Variants in NCKAP5L observed in about 807,000 individuals in gnomAD.
NCKAP5L encodes nck-associated protein 5-like.
Under a neutral mutation model 103.2 loss-of-function variants are expected in NCKAP5L, and 54 were observed. That is an observed-to-expected ratio of 0.52 (90% CI 0.42 to 0.66). NCKAP5L has a LOEUF of 0.66. NCKAP5L is among the 30% of genes least tolerant of loss of function. The probability of loss-of-function intolerance (pLI) is 0.00; values close to 1 mark genes in which losing one functional copy is unlikely to be tolerated. For missense variants in NCKAP5L, 1,733 were observed against 1,750.6 expected (o/e 0.99, Z 0.18); for synonymous variants, 762 against 748.6 (o/e 1.02, Z -0.29).
In NCKAP5L at chr12:49,791,601, T is replaced by C; in HGVS notation, c.*238A>G. The C allele has an allele frequency of 2.3e-6, 1 of 427,976 alleles. No individual in the cohort carries two copies. Among genetic ancestry groups the C allele is most frequent in the East Asian group, 3.6e-5 (1 of 27,756 alleles). 26.5% of individuals were successfully genotyped at this position (427,976 alleles called of 1,614,324 possible). ...CCCCCAGTCCCTTCCAGGAAGAGCC[T>C]TACTCTGGGTGAGAGAAGGGACCAA... On this transcript the variant is annotated 3_prime_UTR_variant, in exon 13 of 13. Transcript: ENST00000335999.
In NCKAP5L at chr12:49,801,914, C is replaced by T. The variant is rs1233135371; in HGVS notation, c.285G>A (p.Arg95=). 6.2e-7 allele frequency: 1 copy of T among 1,613,860 alleles called. No individual in the cohort carries two copies. The highest frequency in any genetic ancestry group is 8.5e-7 in the Non-Finnish European group (1 of 1,179,898). Residue 95 remains arginine, a synonymous_variant, in exon 6 of 13, where the codon CGG becomes CGA. Transcript: ENST00000335999. ...ACAGGGCACTCAGCATCTGGTTCTG[C>T]CGTTCCAGGTCAAACACTCTCTTCT... ...KLKKRVFDLE[R]QNQMLSALFQ...
chr12:49,816,221 CA>C (rs1946293991), intron 1 of NCKAP5L, among the ~76,000 whole-genome samples: 2 of 152,112 alleles, frequency 1.3e-5, no homozygotes, highest in African/African-American at 4.8e-5. Context: ...CACTCCCTGC[CA>C]CGCCCTCTGC....
intron 5 of NCKAP5L, 108 bp from the exon 6 acceptor site, chr12:49,802,075 T>C: frequency 1.5e-6 from 2 of 1,366,584 alleles, no homozygotes; most frequent in African/African-American, 1.4e-5. Flanking sequence ...CCAGGACCCT[T>C]CTGGGCACAC....
In NCKAP5L at chr12:49,797,572, T is replaced by C. The variant is rs1565588837; in HGVS notation, c.466-178A>G. Among the ~76,000 whole-genome samples the C allele has an allele frequency of 2.0e-5, 3 of 152,134 alleles. No individual in the cohort carries two copies. On this transcript the variant is annotated intron_variant, in intron 7 of 12. Coordinates refer to ENST00000335999, the MANE Select transcript of NCKAP5L (RefSeq NM_001037806.4). The surrounding 1 kb of genome is among the most constrained non-coding windows in gnomAD (Gnocchi z 4.5). Reference sequence around the variant, plus strand: ...TATGATGGTTCCGCTTCCTCAAGGGTTGCTCAACACTGGTTACCCCAGTTC... The same window carrying C: ...TATGATGGTTCCGCTTCCTCAAGGGCTGCTCAACACTGGTTACCCCAGTTC...
At chr12:49,821,103 G>C (rs1946356833) in intron 1 of NCKAP5L, among the ~76,000 whole-genome samples, 1 of 152,298 alleles carries the variant, frequency 6.6e-6, no homozygotes, top group South Asian at 2.1e-4. Flanking sequence ...CTTTGATGCT[G>C]CCTTGCTCCT....
At position 49,797,227 on chromosome 12, in the gene NCKAP5L, G is replaced by C. The variant is rs375311023; in HGVS notation, c.633C>G (p.Pro211=). 3.4e-4 allele frequency: 555 copies of C among 1,613,344 alleles called. No homozygotes were observed. Among genetic ancestry groups the C allele is most frequent in the Non-Finnish European group, 4.5e-4 (536 of 1,179,826 alleles). ...DPLLLCSPAT[P]WRPPGQGPGS... ...CAGGCCCCTGGCCTGGAGGCCGCCA[G>C]GGGGTGGCAGGTGAGCAGAGAAGCA... is the stretch of plus-strand genomic sequence containing the variant. Residue 211 remains proline, a synonymous_variant, in exon 8 of 13, where the codon CCC becomes CCG. Coordinates refer to ENST00000335999, the MANE Select transcript of NCKAP5L (RefSeq NM_001037806.4). This position sits in a 1 kb window ranked among gnomAD's most constrained non-coding sequence, Gnocchi z 4.5.
At chr12:49,803,281 A>C in intron 3 of NCKAP5L, 116 bp from the exon 4 acceptor site, 3 of 931,912 alleles carry the variant, frequency 3.2e-6, no homozygotes, top group East Asian at 2.6e-5. Flanking sequence ...CTATACCCCC[A>C]CTCCAGCTCT....
rs553942820 is a variant in NCKAP5L, at chr12:49,807,851, C to T, written c.-98-1810G>A. ...CACCATCAGAGGGGCTAGGGTGTGGCTGAGGTATGCTGTGGAGGAAGAGAA... is the reference window on the plus strand; with the variant it reads ...CACCATCAGAGGGGCTAGGGTGTGGTTGAGGTATGCTGTGGAGGAAGAGAA... On this transcript the variant is annotated intron_variant, in intron 1 of 12. Transcript: ENST00000335999. Among the ~76,000 whole-genome samples, 7 of 152,150 alleles carry T rather than the reference C, an allele frequency of 4.6e-5. No individual in the cohort carries two copies. The East Asian group carries it at 1.4e-3, about 29-fold the overall frequency.
intron 5 of NCKAP5L, chr12:49,802,730 G>C (rs2137012466): frequency 6.9e-6 from 4 of 575,874 alleles, no homozygotes; most frequent in South Asian, 6.9e-5. Context: ...AGCCAGCTGG[G>C]GACAGGGTAA....
chr12:49,814,730 T>C (rs1946279418), intron 1 of NCKAP5L, among the ~76,000 whole-genome samples: 1 of 152,154 alleles, frequency 6.6e-6, no homozygotes, highest in African/African-American at 2.4e-5. Flanking sequence ...AGCAGAACAA[T>C]TTTTAGAAAA....
rs528956537 is a variant in NCKAP5L at position 49,803,728 on chromosome 12, C to A, written c.123+194G>T. ...GTCCCCGAGCCGTCACTGGGCCGGG[C>A]AGCTAAGAGCAAGGAAAGGGCTTCT... On this transcript the variant is annotated intron_variant, in intron 3 of 12. Transcript: ENST00000335999. 3.9e-5 allele frequency among the ~76,000 whole-genome samples: 6 copies of A among 152,320 alleles called. No individual in the cohort carries two copies. The East Asian group carries it at 1.2e-3, about 29-fold the overall frequency.
intron 1 of NCKAP5L, among the ~76,000 whole-genome samples, chr12:49,816,042 C>T (rs1362616758): frequency 6.6e-6 from 1 of 152,238 alleles, no homozygotes; most frequent in African/African-American, 2.4e-5. Flanking sequence ...GACAAGCTTT[C>T]CTGGACTCGT....
chr12:49,820,462 G>A (rs532829142), intron 1 of NCKAP5L, among the ~76,000 whole-genome samples: 6 of 152,112 alleles, frequency 3.9e-5, no homozygotes, highest in South Asian at 4.2e-4. Context: ...GACTACAGGC[G>A]CGTGCCATTA....
At position 49,804,075 on chromosome 12, in the gene NCKAP5L, G is replaced by A. The variant is rs372068669; in HGVS notation, c.-31C>T. 29 of 1,604,514 alleles carry A rather than the reference G, an allele frequency of 1.8e-5. No homozygotes were observed. Among genetic ancestry groups the A allele is most frequent in the African/African-American group, 1.1e-4 (8 of 75,018 alleles). On this transcript the variant is annotated 5_prime_UTR_variant, in exon 3 of 13. Coordinates refer to ENST00000335999, the MANE Select transcript of NCKAP5L (RefSeq NM_001037806.4). Reference sequence around the variant, plus strand: ...CCTGGGAACAAGGAAGAGAAGCCCCGGCAGGCTACTCCAGGGAATGAGGAG... The same window carrying A: ...CCTGGGAACAAGGAAGAGAAGCCCCAGCAGGCTACTCCAGGGAATGAGGAG...
chr12:49,792,185 T>C lies in NCKAP5L; in HGVS notation c.3793-134A>G. On this transcript the variant is annotated intron_variant, in intron 12 of 12. Coordinates refer to ENST00000335999, the MANE Select transcript of NCKAP5L (RefSeq NM_001037806.4). The surrounding 1 kb of genome is among the most constrained non-coding windows in gnomAD (Gnocchi z 4.5). ...AGAGGGGGCCCAAGGTGGGGTATAC[T>C]TCAGAGGAAACAGGCTGGAGGTACA... 1 of 1,048,948 alleles carries C rather than the reference T, an allele frequency of 9.5e-7. No homozygotes were observed. Among genetic ancestry groups the C allele is most frequent in the Non-Finnish European group, 1.4e-6 (1 of 718,310 alleles). The allele number at this position is 1,048,948 out of a possible 1,614,324, so 65.0% of individuals were successfully genotyped here. A position where few individuals can be genotyped will look rare whatever the true frequency, so the allele number is the denominator to read the frequency against.
In NCKAP5L at chr12:49,795,082, G is replaced by T; in HGVS notation, c.2778C>A (p.Ser926Arg). Reference protein sequence around the residue: ...SIASWFGLKKSKLPALNRRTE... With the variant: ...SIASWFGLKKRKLPALNRRTE... ...TGCGGCGGTTCAGCGCTGGCAGCTT[G>T]CTCTTCTTAAGGCCGAACCAGCTGG... Residue 926 changes from serine (S) to arginine (R), a missense_variant, in exon 8 of 13, where the codon AGC becomes AGA. Physicochemically the swap from Ser to Arg is moderately radical, Grantham distance 110. Coordinates refer to ENST00000335999, the MANE Select transcript of NCKAP5L (RefSeq NM_001037806.4). 6.2e-7 allele frequency: 1 copy of T among 1,612,674 alleles called. No individual in the cohort carries two copies. Among genetic ancestry groups the T allele is most frequent in the Non-Finnish European group, 8.5e-7 (1 of 1,179,548 alleles).
At chr12:49,821,254 T>C (rs983612899) in intron 1 of NCKAP5L, among the ~76,000 whole-genome samples, 3 of 151,206 alleles carry the variant, frequency 2.0e-5, no homozygotes, top group Non-Finnish European at 4.4e-5. Context: ...CAAACCCCCA[T>C]CCCCACCCCC....
chr12:49,809,894 C>T, intron 1 of NCKAP5L, among the ~76,000 whole-genome samples: 1 of 152,094 alleles, frequency 6.6e-6, no homozygotes, highest in Non-Finnish European at 1.5e-5. Context: ...GTACTGGAGA[C>T]ACAATAGCCC....
chr12:49,791,821 G>C lies in NCKAP5L; in HGVS notation c.*18C>G, dbSNP rs757496626. 6.4e-7 allele frequency: 1 copy of C among 1,560,280 alleles called. No individual in the cohort carries two copies. Among genetic ancestry groups the C allele is most frequent in the East Asian group, 2.3e-5 (1 of 43,386 alleles). On this transcript the variant is annotated 3_prime_UTR_variant, in exon 13 of 13. Transcript: ENST00000335999. ...TGTGGTCCCCAGCTCCAGCGGGGCC[G>C]TGGCGTGGCGCAGCCCCTCAGCCCT... is the stretch of plus-strand genomic sequence containing the variant.
Sources: gnomAD v4.1 joint callset for allele counts (sites outside exome capture counted in the v4.1 genomes callset) on GRCh38, gnomAD v4.1.1 for gene constraint, Gnocchi (gnomAD v3.1) non-coding constraint, MANE v1.5 for transcripts, NCBI Gene and HGNC (gene_info 2026-07-23, HGNC 2026-07-21) for gene names.